Variants in PLCH1 observed in about 807,000 individuals in gnomAD.
PLCH1 encodes phospholipase C eta 1.
In PLCH1, 60 loss-of-function variants were observed where a neutral mutation model predicts 126.7. That is an observed-to-expected ratio of 0.47 (90% confidence interval 0.38 to 0.59). The LOEUF is 0.59. Among genes scored for constraint, PLCH1 ranks in the 20% least tolerant of loss-of-function variants. The pLI is 0.00. For synonymous variants in PLCH1, 719 were observed against 734.9 expected, an observed-to-expected ratio of 0.98 and a Z score of 0.35; for missense variants, 1,723 against 2,040.0, an observed-to-expected ratio of 0.84 and a Z score of 2.99.
chr3:155,538,443 G>C (rs1202283126), intron 10 of PLCH1, among the ~76,000 whole-genome samples: 1 of 151,864 alleles, frequency 6.6e-6, no homozygotes, highest in African/African-American at 2.4e-5. Flanking sequence ...AAATACAAAA[G>C]ATAAATGAAA....
chr3:155,532,501 G>A (rs114000907), intron 10 of PLCH1, among the ~76,000 whole-genome samples: 166 of 152,188 alleles, frequency 1.1e-3, no homozygotes, highest in Middle Eastern at 3.4e-3. Flanking sequence ...TAATACCCAC[G>A]TGACTAGGGA....
intron 10 of PLCH1, among the ~76,000 whole-genome samples, chr3:155,540,497 C>T (rs1724085520): frequency 6.6e-6 from 1 of 152,044 alleles, no homozygotes; most frequent in Non-Finnish European, 1.5e-5. Context: ...ATGTATCTGA[C>T]AAAGGACTAA....
intron 18 of PLCH1, among the ~76,000 whole-genome samples, chr3:155,491,183 C>G (rs1230969119): frequency 6.6e-6 from 1 of 152,198 alleles, no homozygotes; most frequent in Non-Finnish European, 1.5e-5. Flanking sequence ...GCAGCTGTAT[C>G]TATAATAGTC....
Position 155,472,840 on chromosome 3 carries a change from T to C in PLCH1, c.2938+12516A>G, listed in dbSNP as rs1157892721. Among the ~76,000 whole-genome samples, 4 of 151,688 alleles carry C rather than the reference T, an allele frequency of 2.6e-5. No individual in the cohort carries two copies. In the East Asian group the frequency reaches 7.7e-4, roughly 29 times the overall value. On this transcript the variant is annotated intron_variant, in intron 21 of 21. Coordinates refer to the PLCH1 transcript ENST00000494598. ...CAAAGACAAAAACCACATGATTATC[T>C]CAATAGATGCAGAAAAAGCCTTTGA...
At chr3:155,737,549 T>C (rs1373640091) in intron 1 of PLCH1, among the ~76,000 whole-genome samples, 1 of 152,074 alleles carries the variant, frequency 6.6e-6, no homozygotes, top group Non-Finnish European at 1.5e-5. Context: ...CCCTCAAATA[T>C]AAATTAAAAA....
chr3:155,646,145 C>G (rs952600877), intron 2 of PLCH1, among the ~76,000 whole-genome samples: 10 of 152,066 alleles, frequency 6.6e-5, no homozygotes, highest in Admixed American at 6.6e-4. Context: ...ATCAGCTAAC[C>G]CTGAGAGAGG....
intron 10 of PLCH1, among the ~76,000 whole-genome samples, chr3:155,526,269 G>C (rs1391067676): frequency 1.3e-5 from 2 of 152,026 alleles, no homozygotes; most frequent in Non-Finnish European, 2.9e-5. Context: ...CTAATGAACT[G>C]AGTACAGCAA....
At chr3:155,499,459 G>T (rs1056315029) in intron 14 of PLCH1, among the ~76,000 whole-genome samples, 2 of 152,138 alleles carry the variant, frequency 1.3e-5, no homozygotes, top group African/African-American at 2.4e-5. Context: ...AAAACTCTAA[G>T]ACATTCCGTG....
chr3:155,475,597 C>G (rs2107987693), downstream of PLCH1, among the ~76,000 whole-genome samples: 1 of 151,812 alleles, frequency 6.6e-6, no homozygotes. Flanking sequence ...GAGAGAAGAT[C>G]CAAATAAATA....
intron 22 of PLCH1, among the ~76,000 whole-genome samples, chr3:155,483,905 T>A (rs180920809): frequency 6.6e-6 from 1 of 152,246 alleles, no homozygotes; most frequent in African/African-American, 2.4e-5. Flanking sequence ...AGTCATGATA[T>A]ATAAGAAAAA....
chr3:155,655,605 T>C (rs1298383342), intron 2 of PLCH1, among the ~76,000 whole-genome samples: 1 of 152,174 alleles, frequency 6.6e-6, no homozygotes, highest in Non-Finnish European at 1.5e-5. Context: ...AAATAAAGCC[T>C]TCCATCCATA....
At chr3:155,612,908 T>TAAAAAAAAAAAA (rs59489759) in intron 2 of PLCH1, among the ~76,000 whole-genome samples, 21 of 94,590 alleles carry the variant, frequency 2.2e-4, no homozygotes, top group African/African-American at 6.8e-4. Context: ...AACTGTGTAT[T>TAAAAAAAAAAAA]AAAAAAAAAA....
chr3:155,711,089 A>G (rs904659633), intron 1 of PLCH1, among the ~76,000 whole-genome samples: 19 of 152,088 alleles, frequency 1.2e-4, no homozygotes, highest in South Asian at 1.2e-3. Context: ...CAGAACATAA[A>G]TGTGATTTGA....
intron 1 of PLCH1, chr3:155,743,063 A>G (rs924732111): frequency 3.4e-6 from 1 of 292,354 alleles, no homozygotes; most frequent in Admixed American, 5.1e-5. Flanking sequence ...GCAACTAGGT[A>G]CCAATCATGC....
chr3:155,535,247 C>G (rs1337547677), intron 10 of PLCH1, among the ~76,000 whole-genome samples: 1 of 152,192 alleles, frequency 6.6e-6, no homozygotes, highest in Admixed American at 6.5e-5. Flanking sequence ...ATAATTACAA[C>G]CAAGCGTAAA....
intron 2 of PLCH1, among the ~76,000 whole-genome samples, chr3:155,636,378 C>T (rs1307665101): frequency 6.6e-6 from 1 of 152,060 alleles, no homozygotes; most frequent in African/African-American, 2.4e-5. Context: ...AAATTTAAAT[C>T]AAGATATCAT....
At chr3:155,579,289 C>T (rs190824443) in intron 6 of PLCH1, among the ~76,000 whole-genome samples, 100 of 152,344 alleles carry the variant, frequency 6.6e-4, no homozygotes, top group Non-Finnish European at 1.2e-3. Flanking sequence ...TGTGCGGATA[C>T]TTGCCCACTA....
Position 155,554,141 on chromosome 3 carries a change from G to A in PLCH1, c.1125C>T (p.Leu375=). The A allele has an allele frequency of 1.2e-6, 2 of 1,613,664 alleles. No individual in the cohort carries two copies. The highest frequency in any genetic ancestry group is 8.5e-7 in the Non-Finnish European group (1 of 1,179,604). Residue 375 remains leucine (L), a synonymous_variant, in exon 9 of 23, where the codon CTC becomes CTT. Transcript: ENST00000460012. ...GEPVVHHGYT[L]TSKILFRDVV... is the part of the protein sequence containing the mutation. ...CATCTCTGAAGAGAATTTTTGAAGT[G>A]AGAGTGTAACCATGATGTACTACTG...
chr3:155,665,693 T>C (rs971769982), intron 2 of PLCH1, among the ~76,000 whole-genome samples: 10 of 152,208 alleles, frequency 6.6e-5, no homozygotes, highest in African/African-American at 2.4e-4. Context: ...AGCAGAGCTG[T>C]GAGCCGGCAA....
Sources: gnomAD v4.1 joint callset for allele counts (sites outside exome capture counted in the v4.1 genomes callset) on GRCh38, gnomAD v4.1.1 for gene constraint, MANE v1.5 for transcripts, NCBI Gene and HGNC (gene_info 2026-07-23, HGNC 2026-07-21) for gene names.